Variants in PHF21B observed in about 807,000 individuals in gnomAD.
The protein encoded by PHF21B is PHD finger protein 4.
PHF21B carries 22 observed loss-of-function variants against 62.2 expected under a neutral mutation model. That is an observed-to-expected ratio of 0.35 (90% CI 0.25 to 0.51). The LOEUF is 0.51. Among genes scored for constraint, PHF21B ranks in the 20% least tolerant of loss-of-function variants. PHF21B has a pLI of 0.97. For missense variants in PHF21B, 701 were observed against 707.9 expected, an observed-to-expected ratio of 0.99 and a Z score of 0.11; for synonymous variants, 341 against 314.7, an observed-to-expected ratio of 1.08 and a Z score of -0.88.
intron 2 of PHF21B, among the ~76,000 whole-genome samples, chr22:44,975,167 C>T (rs1451618649): frequency 6.6e-6 from 1 of 152,172 alleles, no homozygotes; most frequent in Non-Finnish European, 1.5e-5. Flanking sequence ...CCTCCTCTCA[C>T]CCCTTCTCCA....
chr22:44,982,519 C>T (rs182009867), intron 2 of PHF21B, among the ~76,000 whole-genome samples: 4 of 152,322 alleles, frequency 2.6e-5, no homozygotes, highest in Admixed American at 2.6e-4. Context: ...GTGTCCTCCC[C>T]ACTCCTCCAC....
intron 5 of PHF21B, among the ~76,000 whole-genome samples, chr22:44,908,071 C>T (rs1423915403): frequency 1.3e-5 from 2 of 152,184 alleles, no homozygotes; most frequent in Non-Finnish European, 2.9e-5. Flanking sequence ...AGGATGATAA[C>T]CCAAAGTATC....
At chr22:44,922,218 G>A (rs1440754170) in intron 2 of PHF21B, among the ~76,000 whole-genome samples, 1 of 152,262 alleles carries the variant, frequency 6.6e-6, no homozygotes, top group African/African-American at 2.4e-5. Flanking sequence ...GTCAGTCTGT[G>A]TAATTTGCTA....
At chr22:44,943,439 T>C (rs914609403) in intron 2 of PHF21B, among the ~76,000 whole-genome samples, 2 of 152,104 alleles carry the variant, frequency 1.3e-5, no homozygotes, top group African/African-American at 4.8e-5. Flanking sequence ...CAGGGAATGT[T>C]TGGGAACGAT....
rs556207271 is a variant in PHF21B, at chr22:44,916,342, C to T, written c.502G>A (p.Ala168Thr). 8.8e-6 allele frequency: 14 copies of T among 1,598,280 alleles called. No individual in the cohort carries two copies. Among genetic ancestry groups the T allele is most frequent in the South Asian group, 1.1e-5 (1 of 89,064 alleles). The change falls in exon 4 of 13, where the codon GCC becomes ACC. Residue 168 changes from alanine (A) to threonine (T), a missense_variant. Ala to Thr is a moderately conservative substitution (Grantham distance 58, BLOSUM62 0). Transcript: ENST00000313237. The part of the protein sequence containing the change: ...SNAAAMAPST[A>T]VSVVSDSIKV... ...ATGCTGTCACTGACCACAGACACGG[C>T]GGTGCTGGGGGCCATGGCGGCGGCA...
In PHF21B at chr22:44,913,910, G is replaced by A. The variant is rs776556694; in HGVS notation, c.743C>T (p.Ser248Leu). ...AGATGGCTCCTCTGTGGGCGGCCGC[G>A]ACTCTGCCGTGCTCTCGGGCTGCGT... ...VQTQPESTAE[S>L]RPPTEEPSQG... The change falls in exon 5 of 13, where the codon TCG becomes TTG. Residue 248 changes from serine to leucine, a missense_variant. By Grantham distance (145) the Ser-to-Leu change is moderately radical (BLOSUM62 -2). Coordinates refer to ENST00000313237, the MANE Select transcript of PHF21B (RefSeq NM_138415.5). The A allele has an allele frequency of 7.4e-6, 12 of 1,613,820 alleles. No homozygotes were observed. The highest frequency in any genetic ancestry group is 1.7e-4 in the Middle Eastern group (1 of 6,060).
intron 9 of PHF21B, among the ~76,000 whole-genome samples, chr22:44,889,021 G>GC (rs1555930468): frequency 6.6e-6 from 1 of 152,200 alleles, no homozygotes; most frequent in Non-Finnish European, 1.5e-5. Flanking sequence ...ACACTGCCAG[G>GC]CCCCCCAGCA....
intron 2 of PHF21B, 25 bp downstream of exon 2, chr22:45,008,520 G>A (rs374235929): frequency 1.9e-6 from 3 of 1,541,108 alleles, no homozygotes; most frequent in South Asian, 1.2e-5. Context: ...CCCATCCCAG[G>A]GGGGGCCGCG....
intron 7 of PHF21B, among the ~76,000 whole-genome samples, chr22:44,892,479 A>G (rs760425803): frequency 1.3e-5 from 2 of 152,202 alleles, no homozygotes; most frequent in Admixed American, 6.5e-5. Context: ...TTCCCAAGAC[A>G]TGGATTCTGG....
At chr22:45,003,462 C>A (rs1569286973) in intron 2 of PHF21B, 1 of 152,298 alleles carries the variant, frequency 6.6e-6, no homozygotes, top group Non-Finnish European at 1.5e-5. Flanking sequence ...GCTAAGAACG[C>A]CGCAGAGGCA....
At chr22:44,973,361 G>A (rs2072675541) in intron 2 of PHF21B, among the ~76,000 whole-genome samples, 1 of 152,196 alleles carries the variant, frequency 6.6e-6, no homozygotes, top group Non-Finnish European at 1.5e-5. Flanking sequence ...TAAGCAAACT[G>A]AAAATCAGTG....
intron 5 of PHF21B, among the ~76,000 whole-genome samples, chr22:44,903,180 C>T (rs2071191607): frequency 6.6e-6 from 1 of 152,226 alleles, no homozygotes. Flanking sequence ...TCTATATTAT[C>T]TCAGGCCCAG....
intron 2 of PHF21B, among the ~76,000 whole-genome samples, chr22:44,931,960 G>A (rs957863467): frequency 6.6e-6 from 1 of 152,208 alleles, no homozygotes; most frequent in Non-Finnish European, 1.5e-5. Flanking sequence ...CCAAAATCCA[G>A]GGAGGGGCTG....
intron 5 of PHF21B, among the ~76,000 whole-genome samples, chr22:44,913,047 C>T (rs371345791): frequency 2.0e-5 from 3 of 152,122 alleles, no homozygotes; most frequent in East Asian, 1.9e-4. Flanking sequence ...CAGCAAAGGA[C>T]GGCCCTGAGT....
At position 44,920,470 on chromosome 22, in the gene PHF21B, T is replaced by A; in HGVS notation, c.141A>T (p.Ala47=). The change falls in exon 3 of 13, where the codon GCA becomes GCT. Residue 47 remains alanine (A), a synonymous_variant. Coordinates refer to ENST00000313237, the MANE Select transcript of PHF21B (RefSeq NM_138415.5). ...TGACCTGAGGACCCGTGACAGGCAC[T>A]GCAGTGATCGTTCCCAAAGCCTGAA... ...SDKQALGTIT[A]VPVTGPQVSS... is the part of the protein sequence containing the mutation. 2 of 1,612,286 alleles carry A rather than the reference T, an allele frequency of 1.2e-6. No homozygotes were observed. The highest frequency in any genetic ancestry group is 1.7e-6 in the Non-Finnish European group (2 of 1,178,974).
At chr22:44,992,277 G>A (rs1034396104) in intron 2 of PHF21B, among the ~76,000 whole-genome samples, 4 of 152,238 alleles carry the variant, frequency 2.6e-5, no homozygotes, top group African/African-American at 4.8e-5. Flanking sequence ...AGAGGCTGCC[G>A]CTGCCCAGGG....
intron 2 of PHF21B, among the ~76,000 whole-genome samples, chr22:44,927,669 C>A (rs531373465): frequency 6.6e-6 from 1 of 152,278 alleles, no homozygotes; most frequent in African/African-American, 2.4e-5. Context: ...CAAGCCTACC[C>A]GAGTGCGTTC....
intron 2 of PHF21B, among the ~76,000 whole-genome samples, chr22:45,007,386 G>C (rs1028372626): frequency 6.6e-5 from 10 of 150,912 alleles, no homozygotes; most frequent in African/African-American, 1.9e-4. Flanking sequence ...TCCCCCGGGG[G>C]AGGGGGCGTC....
chr22:44,982,970 G>A (rs2072870259), intron 2 of PHF21B, among the ~76,000 whole-genome samples: 1 of 152,122 alleles, frequency 6.6e-6, no homozygotes, highest in Admixed American at 6.5e-5. Context: ...GGGGCCGGGC[G>A]CGGTGGCTCA....
Sources: allele counts gnomAD v4.1 joint callset (sites outside exome capture counted in the v4.1 genomes callset), GRCh38; gene constraint gnomAD v4.1.1; transcripts MANE v1.5; gene names NCBI Gene and HGNC (gene_info 2026-07-23, HGNC 2026-07-21).